SNTG1: variants seen among roughly 807,000 people sequenced by gnomAD.
SNTG1 encodes the protein syntrophin gamma 1, also known as gamma-1-syntrophin.
A neutral mutation model predicts 74.7 loss-of-function variants in SNTG1; 39 were observed. The observed-to-expected ratio is 0.52, with a 90% CI of 0.40 to 0.68. The LOEUF (loss-of-function observed/expected upper bound fraction) is 0.68, where lower values mean the gene tolerates loss of function less well. Among genes scored for constraint, SNTG1 ranks in the 30% least tolerant of loss-of-function variants. The pLI is 0.00. For synonymous variants in SNTG1, 254 were observed against 217.1 expected (o/e 1.17, Z -1.49); for missense variants, 685 against 609.5 (o/e 1.12, Z -1.30).
intron 4 of SNTG1, among the ~76,000 whole-genome samples, chr8:50,429,707 A>G (rs964533229): frequency 6.6e-6 from 1 of 152,174 alleles, no homozygotes; most frequent in Admixed American, 6.6e-5. Context: ...GACAATACAC[A>G]AAATGGGAGA....
intron 2 of SNTG1, among the ~76,000 whole-genome samples, chr8:50,218,238 G>T (rs2084890832): frequency 6.6e-6 from 1 of 152,168 alleles, no homozygotes; most frequent in Non-Finnish European, 1.5e-5. Context: ...GCATAGGGAT[G>T]GTTGTAGAAA....
chr8:49,927,449 A>G (rs1473336078), intron 1 of SNTG1, among the ~76,000 whole-genome samples: 1 of 152,224 alleles, frequency 6.6e-6, no homozygotes, highest in Non-Finnish European at 1.5e-5. Context: ...TAAGCCATGT[A>G]AAGACATGGA....
chr8:50,387,525 T>G (rs1465117324), intron 2 of SNTG1, among the ~76,000 whole-genome samples: 1 of 152,124 alleles, frequency 6.6e-6, no homozygotes, highest in African/African-American at 2.4e-5. Flanking sequence ...TAAACCCAAG[T>G]CAACTAAACA....
At chr8:50,169,003 A>C in intron 1 of SNTG1, among the ~76,000 whole-genome samples, 1 of 152,330 alleles carries the variant, frequency 6.6e-6, no homozygotes, top group South Asian at 2.1e-4. Context: ...CTTCCATCAC[A>C]ACTAAGATAT....
At chr8:50,254,981 C>T (rs1223214145) in intron 2 of SNTG1, among the ~76,000 whole-genome samples, 1 of 61,060 alleles carries the variant, frequency 1.6e-5, no homozygotes, top group Non-Finnish European at 3.5e-5. Context: ...TTGCTCCAGA[C>T]ATTTTTATCA....
chr8:49,972,231 T>A (rs1811754484), intron 1 of SNTG1, among the ~76,000 whole-genome samples: 1 of 152,186 alleles, frequency 6.6e-6, no homozygotes, highest in African/African-American at 2.4e-5. Context: ...AACCACCTGA[T>A]CTTTGACAAA....
At chr8:49,930,525 G>C (rs1807479736) in intron 1 of SNTG1, among the ~76,000 whole-genome samples, 1 of 151,748 alleles carries the variant, frequency 6.6e-6, no homozygotes, top group Admixed American at 6.6e-5. Flanking sequence ...ATATATATGT[G>C]TGTGTAGCAT....
intron 1 of SNTG1, among the ~76,000 whole-genome samples, chr8:50,007,053 G>A (rs547109987): frequency 6.6e-6 from 1 of 152,232 alleles, no homozygotes; most frequent in Non-Finnish European, 1.5e-5. Context: ...GTGGGAGGAG[G>A]AGTCCCAGGA....
intron 1 of SNTG1, among the ~76,000 whole-genome samples, chr8:50,049,856 T>C (rs1586051719): frequency 6.6e-6 from 1 of 151,952 alleles, no homozygotes; most frequent in East Asian, 1.9e-4. Context: ...CAATAACACA[T>C]GGATCAAAGG....
intron 12 of SNTG1, among the ~76,000 whole-genome samples, chr8:50,584,093 G>A (rs2094630591): frequency 6.6e-6 from 1 of 152,014 alleles, no homozygotes; most frequent in African/African-American, 2.4e-5. Flanking sequence ...CCCTACAAAG[G>A]ACATGAACTC....
chr8:50,516,211 G>T (rs942822630), intron 9 of SNTG1, among the ~76,000 whole-genome samples: 1 of 152,132 alleles, frequency 6.6e-6, no homozygotes, highest in Non-Finnish European at 1.5e-5. Flanking sequence ...GGGCTTGATT[G>T]TTGGGAGAAA....
rs552260669 is a variant in SNTG1, at chr8:50,712,592, C to T, written c.1284+3614C>T. On this transcript the variant is annotated intron_variant, in intron 17 of 18. Transcript: ENST00000642720. Reference sequence around the variant, plus strand: ...CATGGTGGTTTGCTGTATCCATCAACCCGTCATCTAGGTTTTAACCCCCAC... The same window carrying T: ...CATGGTGGTTTGCTGTATCCATCAATCCGTCATCTAGGTTTTAACCCCCAC... Among the ~76,000 whole-genome samples the T allele has an allele frequency of 1.4e-4, 22 of 152,140 alleles. No homozygotes were observed. In the South Asian group the frequency reaches 4.4e-3, roughly 30 times the overall value.
At chr8:50,396,098 C>A (rs2131321825) in intron 3 of SNTG1, among the ~76,000 whole-genome samples, 1 of 152,260 alleles carries the variant, frequency 6.6e-6, no homozygotes, top group Middle Eastern at 3.4e-3. Flanking sequence ...TTCTCAAATT[C>A]TATTAAGATA....
At chr8:50,211,303 C>T (rs2084511116) in intron 2 of SNTG1, among the ~76,000 whole-genome samples, 1 of 152,144 alleles carries the variant, frequency 6.6e-6, no homozygotes, top group Non-Finnish European at 1.5e-5. Flanking sequence ...TAAATGCACC[C>T]TTAGAAACAA....
chr8:50,576,107 A>G (rs1390862526), intron 12 of SNTG1, among the ~76,000 whole-genome samples: 4 of 152,162 alleles, frequency 2.6e-5, no homozygotes, highest in Admixed American at 1.3e-4. Flanking sequence ...CATCCCAAAA[A>G]TGTTTTACAG....
intron 2 of SNTG1, among the ~76,000 whole-genome samples, chr8:50,383,623 C>T (rs545179550): frequency 6.6e-6 from 1 of 152,140 alleles, no homozygotes; most frequent in African/African-American, 2.4e-5. Flanking sequence ...TCAGCAAACA[C>T]CTCAGCTGGT....
At chr8:50,726,996 T>A (rs1045759864) in intron 17 of SNTG1, among the ~76,000 whole-genome samples, 11 of 152,148 alleles carry the variant, frequency 7.2e-5, no homozygotes, top group African/African-American at 2.4e-4. Flanking sequence ...GAAATATGAT[T>A]TAAGTTGAAA....
intron 1 of SNTG1, among the ~76,000 whole-genome samples, chr8:49,930,417 A>T (rs1474729991): frequency 6.6e-6 from 1 of 152,122 alleles, no homozygotes; most frequent in African/African-American, 2.4e-5. Flanking sequence ...ATTAAAAATT[A>T]TTCAAATTCC....
At chr8:50,671,256 A>C (rs1343988133) in intron 15 of SNTG1, among the ~76,000 whole-genome samples, 3 of 151,772 alleles carry the variant, frequency 2.0e-5, no homozygotes, top group Non-Finnish European at 4.4e-5. Flanking sequence ...GTGAACAGGC[A>C]ACCTACAAAA....
Sources: allele counts gnomAD v4.1 joint callset (sites outside exome capture counted in the v4.1 genomes callset), GRCh38; gene constraint gnomAD v4.1.1; transcripts MANE v1.5; gene names NCBI Gene and HGNC (gene_info 2026-07-23, HGNC 2026-07-21).